DNAH6: variants seen among roughly 807,000 people sequenced by gnomAD.
DNAH6 encodes the protein dynein axonemal heavy chain 6.
DNAH6 carries 340 observed loss-of-function variants against 491.4 expected under a neutral mutation model. The observed-to-expected ratio is 0.69, with a 90% CI of 0.63 to 0.76. The LOEUF is 0.76. DNAH6 is among the 30% of genes least tolerant of loss of function. The pLI, the probability that DNAH6 is intolerant of heterozygous loss-of-function variation, is 0.00. For synonymous variants in DNAH6, 1,603 were observed against 1,686.1 expected, an observed-to-expected ratio of 0.95 and a Z score of 1.21; for missense variants, 4,443 against 4,972.2, an observed-to-expected ratio of 0.89 and a Z score of 3.20.
At chr2:84,748,527 G>A (rs1194368592) in intron 63 of DNAH6, among the ~76,000 whole-genome samples, 1 of 152,160 alleles carries the variant, frequency 6.6e-6, no homozygotes, top group African/African-American at 2.4e-5. Context: ...CTTTGTTCCA[G>A]TTCCCAGTAA....
chr2:84,726,737 A>G (rs1698672297), intron 60 of DNAH6, among the ~76,000 whole-genome samples: 3 of 152,242 alleles, frequency 2.0e-5, no homozygotes, highest in Admixed American at 6.5e-5. Context: ...ACAAACCTGC[A>G]CATTGTGCAC....
chr2:84,751,572 C>T (rs1673477334), intron 63 of DNAH6, among the ~76,000 whole-genome samples: 1 of 152,166 alleles, frequency 6.6e-6, no homozygotes, highest in Non-Finnish European at 1.5e-5. Flanking sequence ...TGCTTGTCAT[C>T]CCAATAATTC....
At chr2:84,586,925 T>C (rs1683611972) in intron 15 of DNAH6, among the ~76,000 whole-genome samples, 1 of 152,228 alleles carries the variant, frequency 6.6e-6, no homozygotes, top group Non-Finnish European at 1.5e-5. Context: ...AGCACATGCT[T>C]GATGTATAAT....
At chr2:84,780,917 A>G (rs1225833720) in intron 64 of DNAH6, among the ~76,000 whole-genome samples, 1 of 152,156 alleles carries the variant, frequency 6.6e-6, no homozygotes, top group Non-Finnish European at 1.5e-5. Flanking sequence ...AGTTTCCCAC[A>G]TTGGCTTTCA....
At chr2:84,571,336 A>G (rs766964359) in intron 11 of DNAH6, among the ~76,000 whole-genome samples, 8 of 152,166 alleles carry the variant, frequency 5.3e-5, no homozygotes, top group Non-Finnish European at 1.2e-4. Context: ...CTCTGTCCAT[A>G]AGCTACTTAT....
chr2:84,788,725 C>G (rs1168647425), intron 68 of DNAH6, among the ~76,000 whole-genome samples: 1 of 152,168 alleles, frequency 6.6e-6, no homozygotes, highest in African/African-American at 2.4e-5. Flanking sequence ...TGGCACCCAT[C>G]CACTGTTCCT....
Position 84,708,469 on chromosome 2 carries a change from A to G in DNAH6, c.9048+753A>G, listed in dbSNP as rs1248880613. Among the ~76,000 whole-genome samples, 13 of 72,004 alleles carry G rather than the reference A, an allele frequency of 1.8e-4. No individual in the cohort carries two copies. In the Admixed American group the frequency reaches 2.1e-3, roughly 12 times the overall value. The allele number at this position is 72,004 out of a possible 152,430, so 47.2% of individuals were successfully genotyped here. A position where few individuals can be genotyped will look rare whatever the true frequency, so the allele number is the denominator to read the frequency against. On this transcript the variant is annotated intron_variant, in intron 54 of 76. Coordinates refer to ENST00000389394, the MANE Select transcript of DNAH6 (RefSeq NM_001370.2). The stretch of plus-strand genomic sequence containing the variant: ...GAAAGAAAGAGAGAAAGAGAAAAAG[A>G]GAGAAAGGGGGGGGGGAGGGAGGGA...
intron 18 of DNAH6, among the ~76,000 whole-genome samples, chr2:84,601,593 GT>G (rs1360498537): frequency 3.3e-5 from 5 of 151,558 alleles, no homozygotes; most frequent in Non-Finnish European, 7.4e-5. Context: ...TAACTTATCT[GT>G]GTTTTTATAT....
intron 4 of DNAH6, among the ~76,000 whole-genome samples, chr2:84,542,181 C>T (rs1469579555): frequency 1.3e-5 from 2 of 152,168 alleles, no homozygotes; most frequent in Non-Finnish European, 2.9e-5. Flanking sequence ...TCACACAGAG[C>T]AAGTTTTCCA....
rs61136510 is a variant in DNAH6, at chr2:84,574,406, C to T, written c.1924+819C>T. 7.2e-3 allele frequency among the ~76,000 whole-genome samples: 1,093 copies of T among 152,194 alleles called. 14 individuals carry two copies. The highest frequency in any genetic ancestry group is 0.026 in the African/African-American group (1,060 of 41,528). On this transcript the variant is annotated intron_variant, in intron 12 of 76. Transcript: ENST00000389394. ...GAATGAAAATAGTATCATCCTCCACCGAAATAGCAATTCCTTAATATCTTA... is the reference window on the plus strand; with the variant it reads ...GAATGAAAATAGTATCATCCTCCACTGAAATAGCAATTCCTTAATATCTTA...
chr2:84,469,975 C>A, the DNAH6 span, among the ~76,000 whole-genome samples: 1 of 152,120 alleles, frequency 6.6e-6, no homozygotes, highest in Admixed American at 6.5e-5. This position sits in a 1 kb window ranked among gnomAD's most constrained non-coding sequence, Gnocchi z 4.0. Context: ...TGAAGAGGGG[C>A]CTCTAACCCA....
chr2:84,707,071 G>A, intron 53 of DNAH6, 52 bp downstream of exon 53: 2 of 1,477,178 alleles, frequency 1.4e-6, no homozygotes, highest in Admixed American at 3.1e-5. Context: ...ATTTTCAGAA[G>A]TAGGAAGAAG....
upstream of DNAH6, among the ~76,000 whole-genome samples, chr2:84,511,613 G>T (rs139960859): frequency 6.6e-6 from 1 of 152,154 alleles, no homozygotes; most frequent in Admixed American, 6.5e-5. Flanking sequence ...CCAGTGAGAC[G>T]AACCCAGTAC....
chr2:84,543,505 A>G (rs1004704219), intron 4 of DNAH6, among the ~76,000 whole-genome samples: 3 of 152,210 alleles, frequency 2.0e-5, no homozygotes, highest in South Asian at 2.1e-4. Context: ...CTTGCATTCA[A>G]TATTTCAGCA....
chr2:84,552,888 T>C (rs1424315465), intron 9 of DNAH6, 30 bp from the exon 10 acceptor site: 6 of 1,347,694 alleles, frequency 4.5e-6, no homozygotes, highest in Non-Finnish European at 5.1e-6. Context: ...TACTTGTGTC[T>C]TTATAACACT....
chr2:84,785,663 T>G lies in DNAH6; in HGVS notation c.11007T>G (p.Thr3669=). 1 of 1,548,982 alleles carries G rather than the reference T, an allele frequency of 6.5e-7. No homozygotes were observed. Among genetic ancestry groups the G allele is most frequent in the Non-Finnish European group, 8.7e-7 (1 of 1,146,176 alleles). Residue 3669 remains threonine, a synonymous_variant, in exon 67 of 77, where the codon ACT becomes ACG. Transcript: ENST00000389394. The stretch of plus-strand genomic sequence containing the variant: ...GTGCAAATATCAGACGAGCATTTAC[T>G]GAAATGACACCTTCGTTTTTTGAAG... ...GLRANIRRAF[T]EMTPSFFEEN...
chr2:84,809,043 A>T (rs1679712526), intron 72 of DNAH6, among the ~76,000 whole-genome samples: 3 of 152,228 alleles, frequency 2.0e-5, no homozygotes, highest in Admixed American at 1.3e-4. Context: ...GCCTGGGAAT[A>T]TGAATTTTAA....
intron 29 of DNAH6, among the ~76,000 whole-genome samples, chr2:84,626,373 G>A (rs1035533586): frequency 2.6e-5 from 4 of 151,942 alleles, no homozygotes; most frequent in Admixed American, 2.0e-4. Flanking sequence ...ACTAAATTAT[G>A]TCTTCACTGC....
rs1881095 is a variant in DNAH6, at chr2:84,670,393, A to C, written c.6372A>C (p.Leu2124=). The part of the protein sequence containing the change: ...QESAGYVPVY[L]NFSAQTSSAR... ...CAGCTGGCTATGTCCCTGTTTATCTAAATTTTTCTGCTCAAACTTCATCTG... is the reference window on the plus strand; with the variant it reads ...CAGCTGGCTATGTCCCTGTTTATCTCAATTTTTCTGCTCAAACTTCATCTG... The change falls in exon 39 of 77, where the codon CTA becomes CTC. Residue 2124 remains leucine (L), a synonymous_variant. Coordinates refer to ENST00000389394, the MANE Select transcript of DNAH6 (RefSeq NM_001370.2). 6.5e-7 allele frequency: 1 copy of C among 1,546,676 alleles called. No homozygotes were observed. The highest frequency in any genetic ancestry group is 8.7e-7 in the Non-Finnish European group (1 of 1,143,796).
Sources: allele counts gnomAD v4.1 joint callset (sites outside exome capture counted in the v4.1 genomes callset), GRCh38; gene constraint gnomAD v4.1.1; non-coding constraint Gnocchi (gnomAD v3.1); transcripts MANE v1.5; gene names NCBI Gene and HGNC (gene_info 2026-07-23, HGNC 2026-07-21).